The following PKP4 variants were observed in gnomAD, a reference collection of about 807,000 sequenced individuals.
The protein encoded by PKP4 is plakophilin-4.
In PKP4, 90 loss-of-function variants were observed where a neutral mutation model predicts 145.1. That is an observed-to-expected ratio of 0.62 (90% confidence interval 0.52 to 0.74). The LOEUF (loss-of-function observed/expected upper bound fraction) is 0.74, where lower values mean the gene tolerates loss of function less well. Ranked by LOEUF, PKP4 falls within the 30% of genes least tolerant of loss-of-function variation. The pLI, the probability that PKP4 is intolerant of heterozygous loss-of-function variation, is 0.00. For missense variants in PKP4, 1,340 were observed against 1,482.7 expected (o/e 0.90, Z 1.58); for synonymous variants, 563 against 577.2 (o/e 0.98, Z 0.35).
chr2:158,632,576 G>A (rs2105915270), intron 8 of PKP4: 1 of 152,108 alleles, frequency 6.6e-6, no homozygotes, highest in East Asian at 1.9e-4. Flanking sequence ...AGCCCATGGT[G>A]GTGTGAGCTG....
At chr2:158,540,069 A>G (rs746912269) in intron 2 of PKP4, among the ~76,000 whole-genome samples, 2 of 152,224 alleles carry the variant, frequency 1.3e-5, no homozygotes, top group Non-Finnish European at 2.9e-5. Flanking sequence ...GGTAGCTAAC[A>G]ACAAGCATAT....
chr2:158,542,518 A>T (rs1278481147), intron 2 of PKP4, among the ~76,000 whole-genome samples: 2 of 152,098 alleles, frequency 1.3e-5, no homozygotes, highest in African/African-American at 2.4e-5. Context: ...TGTTTTACTG[A>T]TGTGGAATAA....
At chr2:158,575,465 A>G (rs181901317) in intron 2 of PKP4, among the ~76,000 whole-genome samples, 3 of 152,320 alleles carry the variant, frequency 2.0e-5, no homozygotes, top group Admixed American at 1.3e-4. Context: ...GGCAGCCACA[A>G]ACATGATAAA....
intron 1 of PKP4, among the ~76,000 whole-genome samples, chr2:158,500,064 T>C (rs1696322768): frequency 1.3e-5 from 2 of 152,232 alleles, no homozygotes; most frequent in African/African-American, 4.8e-5. Context: ...GCTGGCACTT[T>C]TATGGACAGT....
At chr2:158,630,593 C>A (rs2053254002) in intron 7 of PKP4, among the ~76,000 whole-genome samples, 1 of 152,172 alleles carries the variant, frequency 6.6e-6, no homozygotes, top group South Asian at 2.1e-4. Context: ...TTCAAAACAG[C>A]TTTTAAACAT....
chr2:158,635,670 A>G (rs916700651), intron 9 of PKP4, among the ~76,000 whole-genome samples: 3 of 152,192 alleles, frequency 2.0e-5, no homozygotes, highest in African/African-American at 7.2e-5. Flanking sequence ...CAAGGACTTC[A>G]TGTATGATAA....
chr2:158,457,424 C>T (rs1204144609), intron 1 of PKP4: 1 of 152,420 alleles, frequency 6.6e-6, no homozygotes, highest in African/African-American at 2.4e-5. Flanking sequence ...GCTCCCCTCC[C>T]CCCGGCAGGC....
At chr2:158,522,689 C>G (rs543015382) in intron 1 of PKP4, among the ~76,000 whole-genome samples, 1 of 152,192 alleles carries the variant, frequency 6.6e-6, no homozygotes, top group South Asian at 2.1e-4. Context: ...ACGCAGAAGA[C>G]GGGTGATTTC....
intron 1 of PKP4, among the ~76,000 whole-genome samples, chr2:158,514,679 G>A (rs566909863): frequency 1.1e-3 from 165 of 152,186 alleles, no homozygotes; most frequent in African/African-American, 3.7e-3. Flanking sequence ...GGTGGCTCAC[G>A]CCTGTAATCC....
chr2:158,653,174 CAAAAAG>C lies in PKP4; in HGVS notation c.1910-4951_1910-4946del, dbSNP rs541800505. On this transcript the variant is annotated intron_variant, in intron 11 of 21. Transcript: ENST00000389759. ...AGTGGTTTAAGATTGTCTTTCATAT[CAAAAAG>C]AAAAACAGTTGTATAGGCTGCCATG... Among the ~76,000 whole-genome samples, 427 of 152,172 alleles carry C rather than the reference CAAAAAG, an allele frequency of 2.8e-3. 3 individuals are homozygous for C. Among genetic ancestry groups the C allele is most frequent in the African/African-American group, 9.7e-3 (402 of 41,504 alleles).
At chr2:158,475,055 GAT>G (rs1692235514) in intron 1 of PKP4, among the ~76,000 whole-genome samples, 1 of 152,190 alleles carries the variant, frequency 6.6e-6, no homozygotes, top group African/African-American at 2.4e-5. Flanking sequence ...GTTATACTGA[GAT>G]ATCAGCTCTC....
chr2:158,555,266 G>C (rs2045992136), intron 2 of PKP4, among the ~76,000 whole-genome samples: 1 of 152,174 alleles, frequency 6.6e-6, no homozygotes, highest in Non-Finnish European at 1.5e-5. Flanking sequence ...AAGCCTGTCT[G>C]TGGTGTCTTT....
At chr2:158,545,030 A>T (rs2044858784) in intron 2 of PKP4, among the ~76,000 whole-genome samples, 1 of 144,754 alleles carries the variant, frequency 6.9e-6, no homozygotes, top group Non-Finnish European at 1.5e-5. Flanking sequence ...TGTATTTTTG[A>T]GTCCAAAGTG....
intron 1 of PKP4, among the ~76,000 whole-genome samples, chr2:158,469,681 C>T (rs570976390): frequency 2.0e-5 from 3 of 152,214 alleles, no homozygotes; most frequent in African/African-American, 7.2e-5. Flanking sequence ...TTCAGTCTTC[C>T]AGAATCCTAG....
chr2:158,540,078 A>G (rs2044382402), intron 2 of PKP4, among the ~76,000 whole-genome samples: 1 of 152,220 alleles, frequency 6.6e-6, no homozygotes, highest in African/African-American at 2.4e-5. Context: ...CAACAAGCAT[A>G]TGCATTTGGC....
At chr2:158,600,976 T>C (rs905603093) in intron 3 of PKP4, among the ~76,000 whole-genome samples, 2 of 152,216 alleles carry the variant, frequency 1.3e-5, no homozygotes, top group Non-Finnish European at 2.9e-5. Context: ...ACGAGGTTGC[T>C]GGAGCTTCCT....
At position 158,662,880 on chromosome 2, in the gene PKP4, G is replaced by A. The variant is rs1234684766; in HGVS notation, c.2212-17G>A. On this transcript the variant is annotated splice_polypyrimidine_tract_variant and intron_variant, in intron 13 of 21. Transcript: ENST00000389759. Reference sequence around the variant, plus strand: ...TGTGCCGAGTTGTTTTTAATTATACGCCATGCTGGGTTTCAGACGGTGGAG... The same window carrying A: ...TGTGCCGAGTTGTTTTTAATTATACACCATGCTGGGTTTCAGACGGTGGAG... 31 of 1,580,460 alleles carry A rather than the reference G, an allele frequency of 2.0e-5. No individual in the cohort carries two copies. The East Asian group carries it at 3.8e-4, about 20-fold the overall frequency.
At chr2:158,672,085 C>T (rs1468949180) in intron 17 of PKP4, among the ~76,000 whole-genome samples, 4 of 152,194 alleles carry the variant, frequency 2.6e-5, no homozygotes, top group Non-Finnish European at 4.4e-5. Context: ...GGTGATCTGA[C>T]GGCCTTGGCC....
intron 1 of PKP4, among the ~76,000 whole-genome samples, chr2:158,469,580 A>G (rs982151448): frequency 4.6e-5 from 7 of 152,100 alleles, no homozygotes; most frequent in Admixed American, 3.3e-4. Context: ...CTTTATTTTC[A>G]TAGTTTAAAA....
Sources: allele counts gnomAD v4.1 joint callset (sites outside exome capture counted in the v4.1 genomes callset), GRCh38; gene constraint gnomAD v4.1.1; transcripts MANE v1.5; gene names NCBI Gene and HGNC (gene_info 2026-07-23, HGNC 2026-07-21).